Variants in SRARP observed in about 807,000 individuals in gnomAD.
SRARP encodes the protein steroid receptor associated and regulated protein, also known as steroid receptor-associated and regulated protein.
Under a neutral mutation model 3.6 loss-of-function variants are expected in SRARP, and 5 were observed. The observed-to-expected ratio is 1.39, with a 90% confidence interval of 0.73 to 2.93. The LOEUF is 2.93. SRARP is among the 30% of genes most tolerant of loss of function. SRARP has a pLI of 0.00. For missense variants in SRARP, 215 were observed against 216.7 expected (o/e 0.99, Z 0.05); for synonymous variants, 96 against 91.6 (o/e 1.05, Z -0.27).
At position 16,007,637 on chromosome 1, in the gene SRARP, T is replaced by G. The variant is rs2073137873; in HGVS notation, c.*1291T>G. The G allele has an allele frequency of 6.6e-6, 1 of 152,254 alleles. No homozygotes were observed. The highest frequency in any genetic ancestry group is 1.5e-5 in the Non-Finnish European group (1 of 68,076). The allele number at this position is 152,254 out of a possible 1,614,324, so 9.4% of individuals were successfully genotyped here. A position where few individuals can be genotyped will look rare whatever the true frequency, so the allele number is the denominator to read the frequency against. ...TTTTAGTAGAGAAGAGGTCTCACTG[T>G]GCTGCCCAGGCTGGTCTTGAACTCC... is the stretch of plus-strand genomic sequence containing the variant. On this transcript the variant is annotated 3_prime_UTR_variant, in exon 2 of 2. Transcript: ENST00000329454.
chr1:16,005,378 C>T (rs2073121394), intron 1 of SRARP, among the ~76,000 whole-genome samples: 1 of 152,158 alleles, frequency 6.6e-6, no homozygotes, highest in Non-Finnish European at 1.5e-5. Context: ...CCAGGCAGCT[C>T]ATGGGAACAG....
In SRARP at chr1:16,006,219, G is replaced by GC; in HGVS notation, c.388dup (p.Gln130ProfsTer7). The stretch of plus-strand genomic sequence containing the variant: ...GCTTCCTTCCCAGTCAGCCCGCTCT[G>GC]CCCCCAGGAGGTTCCCGAGGCTAAG... On this transcript the variant is annotated frameshift_variant, in exon 2 of 2. Coordinates refer to ENST00000329454, the MANE Select transcript of SRARP (RefSeq NM_178840.4). LOFTEE classifies it low-confidence loss of function (END_TRUNC). 6.2e-7 allele frequency: 1 copy of GC among 1,613,892 alleles called. No homozygotes were observed. Among genetic ancestry groups the GC allele is most frequent in the Non-Finnish European group, 8.5e-7 (1 of 1,180,046 alleles).
Position 16,005,858 on chromosome 1 carries a change from T to C in SRARP, c.83-61T>C, listed in dbSNP as rs369856337. 2.8e-5 allele frequency: 41 copies of C among 1,447,960 alleles called. 1 individual carries two copies. In the South Asian group the frequency reaches 4.7e-4, roughly 17 times the overall value. The allele number at this position is 1,447,960 out of a possible 1,614,324, so 89.7% of individuals were successfully genotyped here. On this transcript the variant is annotated intron_variant, in intron 1 of 1. Coordinates refer to ENST00000329454, the MANE Select transcript of SRARP (RefSeq NM_178840.4). ...GCCTGGGCGACAGAGTGAGACCCTG[T>C]CTCAGGGGAAAAGAAAAGTCCCCTG...
chr1:16,004,700 T>A (rs1380414342), intron 1 of SRARP, among the ~76,000 whole-genome samples: 5 of 115,364 alleles, frequency 4.3e-5, no homozygotes, highest in Non-Finnish European at 6.6e-5. Context: ...AGCAACAGTG[T>A]GAGACTCCAT....
intron 1 of SRARP, 116 bp downstream of exon 1, chr1:16,004,501 T>C: frequency 1.2e-6 from 1 of 867,618 alleles, no homozygotes; most frequent in Non-Finnish European, 1.8e-6. Flanking sequence ...GATCATGAGG[T>C]CAGGAGTTCG....
At position 16,007,843 on chromosome 1, in the gene SRARP, G is replaced by A. The variant is rs2073138773; in HGVS notation, c.*1497G>A. On this transcript the variant is annotated 3_prime_UTR_variant, in exon 2 of 2. Coordinates refer to ENST00000329454, the MANE Select transcript of SRARP (RefSeq NM_178840.4). The stretch of plus-strand genomic sequence containing the variant: ...GTGTCAGAGAAACAACATGGGCACT[G>A]TATTTGTGACCATTTTATAGATTAG... 1 of 152,228 alleles carries A rather than the reference G, an allele frequency of 6.6e-6. No individual in the cohort carries two copies. Among genetic ancestry groups the A allele is most frequent in the Admixed American group, 6.5e-5 (1 of 15,290 alleles). 9.4% of individuals were successfully genotyped at this position (152,228 alleles called of 1,614,324 possible). A position where few individuals can be genotyped will look rare whatever the true frequency, so the allele number is the denominator to read the frequency against.
intron 1 of SRARP, among the ~76,000 whole-genome samples, chr1:16,005,471 GTC>G (rs1409022217): frequency 6.6e-6 from 1 of 152,158 alleles, no homozygotes; most frequent in Non-Finnish European, 1.5e-5. Context: ...TTGAACTCAG[GTC>G]TCTCTGATGC....
Position 16,004,311 on chromosome 1 carries a change from C to G in SRARP, c.8C>G (p.Pro3Arg). The G allele has an allele frequency of 1.2e-6, 2 of 1,603,156 alleles. No individual in the cohort carries two copies. Among genetic ancestry groups the G allele is most frequent in the South Asian group, 2.2e-5 (2 of 89,170 alleles). ...AGGCGCCGAAGTAGCCGCATGGCCC[C>G]GTCAGAAGACCCCAGGGACTGGAGA... is the stretch of plus-strand genomic sequence containing the variant. Reference protein sequence around the residue: MAPSEDPRDWRAN... With the variant: MARSEDPRDWRAN... The change falls in exon 1 of 2, where the codon CCG becomes CGG. Residue 3 changes from proline (P) to arginine (R), a missense_variant. By Grantham distance (103) the Pro-to-Arg change is moderately radical. Transcript: ENST00000329454.
Position 16,008,433 on chromosome 1 carries a change from A to C in SRARP, c.*2087A>C, listed in dbSNP as rs2073141528. 1 of 152,248 alleles carries C rather than the reference A, an allele frequency of 6.6e-6. No homozygotes were observed. Among genetic ancestry groups the C allele is most frequent in the South Asian group, 2.1e-4 (1 of 4,830 alleles). The allele number at this position is 152,248 out of a possible 1,614,324, so 9.4% of individuals were successfully genotyped here. On this transcript the variant is annotated 3_prime_UTR_variant, in exon 2 of 2. Coordinates refer to ENST00000329454, the MANE Select transcript of SRARP (RefSeq NM_178840.4). The stretch of plus-strand genomic sequence containing the variant: ...ATGAATAAGACAATGAGGCCCAGCC[A>C]CAAAATAGTTTATCCTCTAGTTGGG...
rs773800380 is a variant in SRARP at position 16,004,287 on chromosome 1, G to A, written c.-17G>A. ...GCTCCTCTCCTGCCAGAGCTAGGCA[G>A]GCGCCGAAGTAGCCGCATGGCCCCG... On this transcript the variant is annotated 5_prime_UTR_variant, in exon 1 of 2. Coordinates refer to ENST00000329454, the MANE Select transcript of SRARP (RefSeq NM_178840.4). 1 of 1,580,346 alleles carries A rather than the reference G, an allele frequency of 6.3e-7. No individual in the cohort carries two copies. The highest frequency in any genetic ancestry group is 1.1e-5 in the South Asian group (1 of 87,292).
Position 16,007,582 on chromosome 1 carries a change from T to C in SRARP, c.*1236T>C, listed in dbSNP as rs2073137537. 6.6e-6 allele frequency: 1 copy of C among 152,246 alleles called. No homozygotes were observed. 9.4% of individuals were successfully genotyped at this position (152,246 alleles called of 1,614,324 possible). A position where few individuals can be genotyped will look rare whatever the true frequency, so the allele number is the denominator to read the frequency against. ...TCAGCCTCCCGAGTAGCTGAGACTA[T>C]AGGTGCACCACTACGCCCAGCTTGA... On this transcript the variant is annotated 3_prime_UTR_variant, in exon 2 of 2. Coordinates refer to ENST00000329454, the MANE Select transcript of SRARP (RefSeq NM_178840.4).
chr1:16,004,375 G>T lies in SRARP; in HGVS notation c.72G>T (p.Glu24Asp). The T allele has an allele frequency of 6.2e-7, 1 of 1,605,836 alleles. No homozygotes were observed. Among genetic ancestry groups the T allele is most frequent in the Non-Finnish European group, 8.5e-7 (1 of 1,176,334 alleles). ...LKGTIRETGL[E>D]TSSGGKLAGH... Reference sequence around the variant, plus strand: ...GCACCATCCGTGAGACAGGCCTGGAGACCAGCTCCGGTAAGAGGCGGCAAA... The same window carrying T: ...GCACCATCCGTGAGACAGGCCTGGATACCAGCTCCGGTAAGAGGCGGCAAA... Residue 24 changes from glutamate to aspartate, a missense_variant, in exon 1 of 2, where the codon GAG becomes GAT. Transcript: ENST00000329454.
Position 16,006,598 on chromosome 1 carries a change from C to T in SRARP, c.*252C>T. ...GGCCCTGCAAAGTGCTGGGGAGATA[C>T]CATGGTTTTCCTGGAGCTGGTATTT... On this transcript the variant is annotated 3_prime_UTR_variant, in exon 2 of 2. Coordinates refer to ENST00000329454, the MANE Select transcript of SRARP (RefSeq NM_178840.4). The T allele has an allele frequency of 2.4e-6, 1 of 416,804 alleles. No individual in the cohort carries two copies. The highest frequency in any genetic ancestry group is 4.2e-6 in the Non-Finnish European group (1 of 237,598). 25.8% of individuals were successfully genotyped at this position (416,804 alleles called of 1,614,324 possible).
chr1:16,005,771 G>A, intron 1 of SRARP, 148 bp from the exon 2 acceptor site: 1 of 773,644 alleles, frequency 1.3e-6, no homozygotes, highest in Non-Finnish European at 2.1e-6. Context: ...TACTTAGGGG[G>A]CTGAGATGGG....
rs1207963152 is a variant in SRARP at position 16,007,191 on chromosome 1, CAT to C, written c.*846_*847del. 1.3e-5 allele frequency: 2 copies of C among 148,950 alleles called. No individual in the cohort carries two copies. Among genetic ancestry groups the C allele is most frequent in the Non-Finnish European group, 3.0e-5 (2 of 67,598 alleles). The allele number at this position is 148,950 out of a possible 1,614,324, so 9.2% of individuals were successfully genotyped here. A position where few individuals can be genotyped will look rare whatever the true frequency, so the allele number is the denominator to read the frequency against. On this transcript the variant is annotated 3_prime_UTR_variant, in exon 2 of 2. Coordinates refer to ENST00000329454, the MANE Select transcript of SRARP (RefSeq NM_178840.4). ...CATGTTTGAACGAATGAAAACAAGA[CAT>C]GTTATTTATTGAGCATCTACTGCAT... is the stretch of plus-strand genomic sequence containing the variant.
At chr1:16,005,833 G>A in intron 1 of SRARP, 86 bp from the exon 2 acceptor site, 1 of 1,356,928 alleles carries the variant, frequency 7.4e-7, no homozygotes, top group Non-Finnish European at 1.0e-6. Flanking sequence ...ATGACCTCCA[G>A]CCTGGGCGAC....
chr1:16,004,416 C>A (rs1184361806), intron 1 of SRARP, 31 bp downstream of exon 1: 1 of 1,539,082 alleles, frequency 6.5e-7, no homozygotes, highest in African/African-American at 1.4e-5. Context: ...CCCAGCCCCA[C>A]AGAAACACCA....
chr1:16,008,224 G>C lies in SRARP; in HGVS notation c.*1878G>C, dbSNP rs1010371393. 3 of 152,202 alleles carry C rather than the reference G, an allele frequency of 2.0e-5. No homozygotes were observed. Among genetic ancestry groups the C allele is most frequent in the Non-Finnish European group, 4.4e-5 (3 of 68,050 alleles). The allele number at this position is 152,202 out of a possible 1,614,324, so 9.4% of individuals were successfully genotyped here. A position where few individuals can be genotyped will look rare whatever the true frequency, so the allele number is the denominator to read the frequency against. On this transcript the variant is annotated 3_prime_UTR_variant, in exon 2 of 2. Transcript: ENST00000329454. ...TCCTGCAGGAAGTGATGCCGAAAATGAGATCTGACCGGTGACTAAGCTATA... is the reference window on the plus strand; with the variant it reads ...TCCTGCAGGAAGTGATGCCGAAAATCAGATCTGACCGGTGACTAAGCTATA...
rs1476507625 is a variant in SRARP, at chr1:16,008,247, A to G, written c.*1901A>G. The G allele has an allele frequency of 6.6e-6, 1 of 152,186 alleles. No individual in the cohort carries two copies. The highest frequency in any genetic ancestry group is 1.5e-5 in the Non-Finnish European group (1 of 68,040). 9.4% of individuals were successfully genotyped at this position (152,186 alleles called of 1,614,324 possible). ...ATGAGATCTGACCGGTGACTAAGCT[A>G]TACAAAAGGGTGGGGTGGGGGAGCA... On this transcript the variant is annotated 3_prime_UTR_variant, in exon 2 of 2. Transcript: ENST00000329454.
Sources: allele counts gnomAD v4.1 joint callset (sites outside exome capture counted in the v4.1 genomes callset), GRCh38; gene constraint gnomAD v4.1.1; transcripts MANE v1.5; gene names NCBI Gene and HGNC (gene_info 2026-07-23, HGNC 2026-07-21).